Variants in C9 observed in about 807,000 individuals in gnomAD.
C9 encodes complement C9, also known as complement component C9.
Under a neutral mutation model 65.4 loss-of-function variants are expected in C9, and 63 were observed. The observed-to-expected ratio is 0.96, with a 90% CI of 0.79 to 1.19. The LOEUF (loss-of-function observed/expected upper bound fraction) is 1.19. C9 is among the 50% of genes most tolerant of loss of function. The pLI is 0.00. For missense variants in C9, 744 were observed against 670.1 expected (o/e 1.11, Z -1.22); for synonymous variants, 229 against 227.9 (o/e 1.00, Z -0.04).
At chr5:39,307,274 C>G (rs1350766069) in intron 8 of C9, among the ~76,000 whole-genome samples, 1 of 152,156 alleles carries the variant, frequency 6.6e-6, no homozygotes, top group African/African-American at 2.4e-5. Context: ...CTCAGTGTCT[C>G]TCTGTAGATG....
At chr5:39,295,501 T>C (rs1235688228) in intron 9 of C9, among the ~76,000 whole-genome samples, 1 of 151,458 alleles carries the variant, frequency 6.6e-6, no homozygotes, top group East Asian at 1.9e-4. Context: ...TAACCAAAGA[T>C]GTAAAAGAAA....
intron 1 of C9, among the ~76,000 whole-genome samples, chr5:39,359,086 A>G (rs1244123388): frequency 6.0e-5 from 4 of 66,502 alleles, no homozygotes; most frequent in East Asian, 2.7e-4. Context: ...GTGTATATAT[A>G]TATGTGTGTG....
At chr5:39,310,639 C>T (rs1753465026) in intron 7 of C9, among the ~76,000 whole-genome samples, 1 of 152,090 alleles carries the variant, frequency 6.6e-6, no homozygotes, top group African/African-American at 2.4e-5. Context: ...TGAGGTAAAA[C>T]TAATTTTCCA....
At chr5:39,357,087 G>A (rs1176024925) in intron 1 of C9, among the ~76,000 whole-genome samples, 1 of 152,134 alleles carries the variant, frequency 6.6e-6, no homozygotes, top group Non-Finnish European at 1.5e-5. Flanking sequence ...ATTGATATAC[G>A]CCTGGTCCTA....
chr5:39,314,670 C>T (rs1035204020), intron 6 of C9, among the ~76,000 whole-genome samples: 2 of 152,020 alleles, frequency 1.3e-5, no homozygotes, highest in African/African-American at 4.8e-5. Flanking sequence ...CAGTTCCTTC[C>T]GTCAGATAAA....
At chr5:39,345,699 C>A (rs1754178677) in intron 1 of C9, among the ~76,000 whole-genome samples, 1 of 152,186 alleles carries the variant, frequency 6.6e-6, no homozygotes, top group Admixed American at 6.5e-5. Flanking sequence ...GAACTTTCCA[C>A]CCCAAATCAA....
intron 9 of C9, among the ~76,000 whole-genome samples, chr5:39,306,048 A>G (rs1753368630): frequency 1.3e-5 from 2 of 151,654 alleles, no homozygotes; most frequent in Admixed American, 1.3e-4. Context: ...CTGTAATCCC[A>G]GCTACTGAGG....
chr5:39,290,873 G>C (rs975329113), intron 9 of C9, among the ~76,000 whole-genome samples: 3 of 151,922 alleles, frequency 2.0e-5, no homozygotes, highest in Admixed American at 6.6e-5. Flanking sequence ...GAGGGAAGTG[G>C]AAGTAGGATA....
chr5:39,285,118 C>T lies in C9; in HGVS notation c.*81G>A. On this transcript the variant is annotated 3_prime_UTR_variant, in exon 11 of 11. Coordinates refer to ENST00000263408, the MANE Select transcript of C9 (RefSeq NM_001737.5). Reference sequence around the variant, plus strand: ...ATGAAGCATGTTGCTATTTACTTGGCAGCTAAGATTATCTTCAGGGGTAGG... The same window carrying T: ...ATGAAGCATGTTGCTATTTACTTGGTAGCTAAGATTATCTTCAGGGGTAGG... 1 of 1,108,814 alleles carries T rather than the reference C, an allele frequency of 9.0e-7. No individual in the cohort carries two copies. The highest frequency in any genetic ancestry group is 1.4e-6 in the Non-Finnish European group (1 of 719,594). 68.7% of individuals were successfully genotyped at this position (1,108,814 alleles called of 1,614,324 possible).
At chr5:39,343,810 C>T (rs944952375) in intron 1 of C9, among the ~76,000 whole-genome samples, 8 of 152,128 alleles carry the variant, frequency 5.3e-5, no homozygotes, top group African/African-American at 9.7e-5. Context: ...TGGCTGGGTA[C>T]CCCTCTGATA....
chr5:39,312,301 T>A (rs1579850936), intron 6 of C9, among the ~76,000 whole-genome samples: 1 of 152,188 alleles, frequency 6.6e-6, no homozygotes, highest in Admixed American at 6.5e-5. Context: ...TTTTATGAAA[T>A]TATACCTCAC....
At chr5:39,318,256 C>CCT (rs559995145) in intron 5 of C9, among the ~76,000 whole-genome samples, 22 of 152,164 alleles carry the variant, frequency 1.4e-4, no homozygotes, top group Non-Finnish European at 1.8e-4. Context: ...TGGGCTGAGA[C>CCT]AACGGGGTTT....
intron 9 of C9, among the ~76,000 whole-genome samples, chr5:39,296,867 G>A (rs1753193776): frequency 1.3e-5 from 2 of 151,112 alleles, no homozygotes; most frequent in African/African-American, 2.4e-5. Flanking sequence ...TCTCTTATAT[G>A]TGGAAGCTAA....
At chr5:39,333,369 C>A (rs1753879530) in intron 4 of C9, among the ~76,000 whole-genome samples, 1 of 152,062 alleles carries the variant, frequency 6.6e-6, no homozygotes, top group Non-Finnish European at 1.5e-5. Context: ...AATGAAGAGG[C>A]CTCATTCATT....
At chr5:39,309,164 A>T (rs564253836) in intron 7 of C9, among the ~76,000 whole-genome samples, 2 of 149,124 alleles carry the variant, frequency 1.3e-5, no homozygotes, top group African/African-American at 5.0e-5. Context: ...TTTGCAATTC[A>T]TAAAAAAAAT....
chr5:39,289,534 A>G (rs1279982479), intron 9 of C9, among the ~76,000 whole-genome samples: 1 of 151,842 alleles, frequency 6.6e-6, no homozygotes, highest in Non-Finnish European at 1.5e-5. Context: ...AGATTCCTCC[A>G]GAATAGAAAG....
chr5:39,331,790 G>T lies in C9; in HGVS notation c.501C>A (p.Pro167=), dbSNP rs1467771889. The T allele has an allele frequency of 3.1e-6, 5 of 1,613,434 alleles. No individual in the cohort carries two copies. Among genetic ancestry groups the T allele is most frequent in the Non-Finnish European group, 3.4e-6 (4 of 1,179,490 alleles). ...GYGINILGMD[P]LSTPFDNEFY... is the part of the protein sequence containing the mutation. ...ACTCATTGTCAAAAGGTGTGCTTAG[G>T]GGATCCATCCCTAAAATGTTGATCC... The change falls in exon 5 of 11, where the codon CCC becomes CCA. Residue 167 remains proline (P), a synonymous_variant. Coordinates refer to ENST00000263408, the MANE Select transcript of C9 (RefSeq NM_001737.5).
intron 5 of C9, among the ~76,000 whole-genome samples, chr5:39,328,834 A>G (rs905979849): frequency 6.6e-6 from 1 of 152,176 alleles, no homozygotes; most frequent in Non-Finnish European, 1.5e-5. Flanking sequence ...GACAAAGCCA[A>G]GGGTTAGGTG....
intron 6 of C9, among the ~76,000 whole-genome samples, chr5:39,311,993 T>C (rs1753492998): frequency 6.6e-6 from 1 of 152,164 alleles, no homozygotes; most frequent in African/African-American, 2.4e-5. Flanking sequence ...AACTAAGCTG[T>C]GGTCAGATAA....
Sources: gnomAD v4.1 joint callset for allele counts (sites outside exome capture counted in the v4.1 genomes callset) on GRCh38, gnomAD v4.1.1 for gene constraint, MANE v1.5 for transcripts, NCBI Gene and HGNC (gene_info 2026-07-23, HGNC 2026-07-21) for gene names.